PRKN: variants seen among roughly 807,000 people sequenced by gnomAD.
PRKN encodes E3 ubiquitin-protein ligase parkin.
Under a neutral mutation model 59.5 loss-of-function variants are expected in PRKN, and 56 were observed. That is an observed-to-expected ratio of 0.94 (90% CI 0.76 to 1.18). PRKN has a LOEUF of 1.18. PRKN is among the 50% of genes most tolerant of loss of function. The pLI, the probability that PRKN is intolerant of heterozygous loss-of-function variation, is 0.00. For missense variants in PRKN, 657 were observed against 596.4 expected (o/e 1.10, Z -1.06); for synonymous variants, 250 against 222.1 (o/e 1.13, Z -1.12).
At position 162,727,678 on chromosome 6, in the gene PRKN, G is replaced by A; in HGVS notation, c.-10C>T. 2 of 1,577,926 alleles carry A rather than the reference G, an allele frequency of 1.3e-6. No homozygotes were observed. The highest frequency in any genetic ancestry group is 2.3e-5 in the South Asian group (2 of 86,350). On this transcript the variant is annotated 5_prime_UTR_variant, in exon 1 of 12. Coordinates refer to ENST00000366898, the MANE Select transcript of PRKN (RefSeq NM_004562.3). ...CCCACGTACCTATCATGGTCACTGG[G>A]TAGGTGGCGGCTGCGGGCCAGGAAC... is the stretch of plus-strand genomic sequence containing the variant.
At chr6:161,943,907 G>A (rs1397611247) in intron 6 of PRKN, among the ~76,000 whole-genome samples, 6 of 148,288 alleles carry the variant, frequency 4.0e-5, no homozygotes, top group African/African-American at 1.5e-4. Context: ...GATGCAGCCT[G>A]AGGGATCAGC....
rs183606223 is a variant in PRKN at position 161,952,372 on chromosome 6, C to T, written c.734+20930G>A. Among the ~76,000 whole-genome samples, 441 of 152,282 alleles carry T rather than the reference C, an allele frequency of 2.9e-3. 4 individuals are homozygous for T. Among genetic ancestry groups the T allele is most frequent in the Middle Eastern group, 0.017 (5 of 294 alleles). ...GTGGCTCATGCCTGTAATCCCAGCA[C>T]TTTGGGAAGCCAAGGTGGGCAGATC... On this transcript the variant is annotated intron_variant, in intron 6 of 11. Coordinates refer to ENST00000366898, the MANE Select transcript of PRKN (RefSeq NM_004562.3).
chr6:162,382,741 C>T (rs1195842685), intron 2 of PRKN, among the ~76,000 whole-genome samples: 1 of 152,128 alleles, frequency 6.6e-6, no homozygotes, highest in East Asian at 1.9e-4. Flanking sequence ...AAGATTTCTC[C>T]ATAGCATATG....
intron 1 of PRKN, among the ~76,000 whole-genome samples, chr6:162,537,267 T>A (rs2128198636): frequency 6.6e-6 from 1 of 152,122 alleles, no homozygotes; most frequent in African/African-American, 2.4e-5. Flanking sequence ...CTATATCCAA[T>A]CCCATATTTC....
At chr6:161,690,798 C>T (rs1015949495) in intron 7 of PRKN, among the ~76,000 whole-genome samples, 1 of 152,200 alleles carries the variant, frequency 6.6e-6, no homozygotes, top group Non-Finnish European at 1.5e-5. Flanking sequence ...ACACCATTGG[C>T]TCTCCAGCTC....
chr6:161,868,279 T>C (rs1320616367), intron 6 of PRKN, among the ~76,000 whole-genome samples: 2 of 145,832 alleles, frequency 1.4e-5, no homozygotes, highest in African/African-American at 2.8e-5. Context: ...ATTGTTACAA[T>C]TGAAAATGAA....
At chr6:162,570,947 T>C (rs1421132761) in intron 1 of PRKN, among the ~76,000 whole-genome samples, 1 of 152,190 alleles carries the variant, frequency 6.6e-6, no homozygotes, top group South Asian at 2.1e-4. Flanking sequence ...AATTGGATTG[T>C]TTGTAACTCA....
intron 7 of PRKN, among the ~76,000 whole-genome samples, chr6:161,698,191 A>T (rs912724684): frequency 6.6e-6 from 1 of 152,192 alleles, no homozygotes; most frequent in African/African-American, 2.4e-5. Context: ...TAAAATGTCA[A>T]CAACATGCAA....
At chr6:162,519,550 G>A (rs1002631856) in intron 1 of PRKN, among the ~76,000 whole-genome samples, 7 of 152,160 alleles carry the variant, frequency 4.6e-5, no homozygotes, top group African/African-American at 1.7e-4. Flanking sequence ...ATTAACATAT[G>A]TGAGATTTTG....
At chr6:161,580,200 A>T (rs903624750) in intron 7 of PRKN, among the ~76,000 whole-genome samples, 6 of 152,224 alleles carry the variant, frequency 3.9e-5, no homozygotes, top group African/African-American at 1.4e-4. Flanking sequence ...CACGAGAATT[A>T]GTAATTATTC....
At chr6:161,375,309 G>A (rs1188339600) in intron 10 of PRKN, among the ~76,000 whole-genome samples, 3 of 152,176 alleles carry the variant, frequency 2.0e-5, no homozygotes, top group Non-Finnish European at 4.4e-5. Flanking sequence ...AAGGGTTTCT[G>A]CAGTGCAGGA....
chr6:161,682,531 A>G (rs1785404124), intron 7 of PRKN, among the ~76,000 whole-genome samples: 1 of 151,822 alleles, frequency 6.6e-6, no homozygotes. Context: ...AGCTGGGGAA[A>G]GGCCTCCTGT....
intron 4 of PRKN, among the ~76,000 whole-genome samples, chr6:162,126,101 G>A (rs1781115551): frequency 2.6e-5 from 4 of 152,150 alleles, no homozygotes; most frequent in African/African-American, 9.7e-5. Flanking sequence ...ATATTTTTGG[G>A]TGCCTATTAA....
Position 161,407,571 on chromosome 6 carries a change from G to C in PRKN, c.1084-20694C>G, listed in dbSNP as rs114739228. On this transcript the variant is annotated intron_variant, in intron 9 of 11. Coordinates refer to ENST00000366898, the MANE Select transcript of PRKN (RefSeq NM_004562.3). This position sits in a 1 kb window ranked among gnomAD's most constrained non-coding sequence, Gnocchi z 4.9. ...CAGAAATGTTAAAATACACAAAAAGGTACTTCTTAGAGTTGAGGATAAGTG... is the reference window on the plus strand; with the variant it reads ...CAGAAATGTTAAAATACACAAAAAGCTACTTCTTAGAGTTGAGGATAAGTG... Among the ~76,000 whole-genome samples the C allele has an allele frequency of 2.7e-3, 415 of 152,198 alleles. 3 individuals carry two copies. The highest frequency in any genetic ancestry group is 9.6e-3 in the African/African-American group (400 of 41,504).
intron 1 of PRKN, among the ~76,000 whole-genome samples, chr6:162,525,361 ACC>A (rs1778237396): frequency 6.6e-6 from 1 of 151,742 alleles, no homozygotes; most frequent in Non-Finnish European, 1.5e-5. Context: ...CGGTCCTCCC[ACC>A]CAACCTCCCC....
chr6:161,973,405 T>G lies in PRKN; in HGVS notation c.631A>C (p.Lys211Gln). The G allele has an allele frequency of 6.2e-7, 1 of 1,605,994 alleles. No homozygotes were observed. Among genetic ancestry groups the G allele is most frequent in the Non-Finnish European group, 8.5e-7 (1 of 1,172,654 alleles). ...TCAGAGGTGGGGTGTGCTCCACATTTAAAGAAAAATTCCTGAAAGAAAGAT... is the reference window on the plus strand; with the variant it reads ...TCAGAGGTGGGGTGTGCTCCACATTGAAAGAAAAATTCCTGAAAGAAAGAT... ...CPGTSAEFFF[K>Q]CGAHPTSDKE... Residue 211 changes from lysine to glutamine, a missense_variant, in exon 6 of 12, where the codon AAA becomes CAA. By Grantham distance (53) the Lys-to-Gln change is moderately conservative (BLOSUM62 1). Transcript: ENST00000366898.
intron 9 of PRKN, among the ~76,000 whole-genome samples, chr6:161,465,988 C>T (rs976778696): frequency 4.3e-4 from 66 of 152,088 alleles, no homozygotes; most frequent in African/African-American, 1.6e-3. Flanking sequence ...AAAATAATGA[C>T]TTGATATCTG....
intron 6 of PRKN, among the ~76,000 whole-genome samples, chr6:161,870,725 G>A (rs1014620289): frequency 6.6e-6 from 1 of 152,128 alleles, no homozygotes; most frequent in African/African-American, 2.4e-5. Flanking sequence ...TAACTGATAA[G>A]GATTAATTAC....
intron 2 of PRKN, among the ~76,000 whole-genome samples, chr6:162,374,022 TC>T (rs1785906577): frequency 6.6e-6 from 1 of 152,200 alleles, no homozygotes; most frequent in Admixed American, 6.5e-5. Flanking sequence ...AACTTGGTGA[TC>T]TTCGTGATTG....
Sources: gnomAD v4.1 joint callset for allele counts (sites outside exome capture counted in the v4.1 genomes callset) on GRCh38, gnomAD v4.1.1 for gene constraint, Gnocchi (gnomAD v3.1) non-coding constraint, MANE v1.5 for transcripts, NCBI Gene and HGNC (gene_info 2026-07-23, HGNC 2026-07-21) for gene names.